The following SHQ1 variants were observed in gnomAD, a reference collection of about 807,000 sequenced individuals.
SHQ1 encodes the protein protein SHQ1 homolog.
SHQ1 carries 49 observed loss-of-function variants against 53.8 expected under a neutral mutation model. That is an observed-to-expected ratio of 0.91 (90% confidence interval 0.72 to 1.16). SHQ1 has a LOEUF of 1.16. Among genes scored for constraint, SHQ1 ranks in the 50% most tolerant of loss-of-function variants. SHQ1 has a pLI of 0.00. For missense variants in SHQ1, 738 were observed against 683.1 expected, an observed-to-expected ratio of 1.08 and a Z score of -0.90; for synonymous variants, 243 against 251.0, an observed-to-expected ratio of 0.97 and a Z score of 0.30.
At position 72,751,529 on chromosome 3, in the gene SHQ1, T is replaced by C. The variant is rs201893895; in HGVS notation, c.1182-693A>G. 6.8e-3 allele frequency among the ~76,000 whole-genome samples: 944 copies of C among 138,022 alleles called. 29 individuals are homozygous for C. The highest frequency in any genetic ancestry group is 0.025 in the Middle Eastern group (7 of 278). 90.5% of individuals were successfully genotyped at this position (138,022 alleles called of 152,430 possible). On this transcript the variant is annotated intron_variant, in intron 10 of 10. Coordinates refer to ENST00000325599, the MANE Select transcript of SHQ1 (RefSeq NM_018130.3). ...GTGTGTATATATATATATATATATA[T>C]ACATATACATACACTAATAAAGCCT... is the stretch of plus-strand genomic sequence containing the variant.
At chr3:72,739,430 T>A in the SHQ1 span, among the ~76,000 whole-genome samples, 174 of 152,294 alleles carry the variant, frequency 1.1e-3, 1 homozygote, top group African/African-American at 3.9e-3. Flanking sequence ...TCAGGCCACC[T>A]CACCAGGCTC....
chr3:72,766,463 A>G (rs564148851), intron 10 of SHQ1, among the ~76,000 whole-genome samples: 1 of 152,364 alleles, frequency 6.6e-6, no homozygotes, highest in East Asian at 1.9e-4. Flanking sequence ...TGTCCCATGT[A>G]CACAGAAAAT....
rs551329684 is a variant in SHQ1 at position 72,818,253 on chromosome 3, T to G, written c.728-869A>C. ...TGTGTAACTAATTTTTGTAAAGGAG[T>G]ATAATATTCCAAAATGTACCATGCT... is the stretch of plus-strand genomic sequence containing the variant. On this transcript the variant is annotated intron_variant, in intron 6 of 10. Coordinates refer to ENST00000325599, the MANE Select transcript of SHQ1 (RefSeq NM_018130.3). 3.3e-5 allele frequency among the ~76,000 whole-genome samples: 5 copies of G among 151,810 alleles called. No homozygotes were observed. The South Asian group carries it at 1.0e-3, about 32-fold the overall frequency.
the SHQ1 span, among the ~76,000 whole-genome samples, chr3:72,738,772 T>A: frequency 7.9e-5 from 12 of 152,160 alleles, no homozygotes; most frequent in African/African-American, 2.9e-4. Flanking sequence ...TCGACTGTGA[T>A]TAAGCATACA....
the SHQ1 span, among the ~76,000 whole-genome samples, chr3:72,738,681 G>GCTTC: frequency 6.6e-6 from 1 of 152,146 alleles, no homozygotes; most frequent in Non-Finnish European, 1.5e-5. Flanking sequence ...CCTCCCAGCA[G>GCTTC]CTTCCAGACC....
chr3:72,789,409 A>C (rs1343071592), intron 10 of SHQ1, among the ~76,000 whole-genome samples: 1 of 152,190 alleles, frequency 6.6e-6, no homozygotes, highest in East Asian at 1.9e-4. Flanking sequence ...GCGTGGCCCA[A>C]GACAATTCTT....
chr3:72,750,915 A>G, intron 10 of SHQ1, 79 bp from the exon 11 acceptor site: 3 of 1,227,596 alleles, frequency 2.4e-6, no homozygotes, highest in Non-Finnish European at 3.3e-6. Flanking sequence ...GCTTCCAAAA[A>G]AATAAAGTTG....
rs1706167949 is a variant in SHQ1 at position 72,784,501 on chromosome 3, G to C, written c.1181+8415C>G. Among the ~76,000 whole-genome samples the C allele has an allele frequency of 2.0e-5, 3 of 152,120 alleles. No individual in the cohort carries two copies. In the South Asian group the frequency reaches 6.2e-4, roughly 32 times the overall value. On this transcript the variant is annotated intron_variant, in intron 10 of 10. Coordinates refer to ENST00000325599, the MANE Select transcript of SHQ1 (RefSeq NM_018130.3). Reference sequence around the variant, plus strand: ...CCTTGTACTAATCTTTTCTTATGGAGATAAAAACCCACTTCCATCCAGGAT... The same window carrying C: ...CCTTGTACTAATCTTTTCTTATGGACATAAAAACCCACTTCCATCCAGGAT...
At chr3:72,728,328 C>T in the SHQ1 span, among the ~76,000 whole-genome samples, 1 of 152,148 alleles carries the variant, frequency 6.6e-6, no homozygotes, top group African/African-American at 2.4e-5. Context: ...GTCAGTCTGA[C>T]GAATTCCCAC....
chr3:72,751,608 T>C (rs1392843360), intron 10 of SHQ1, among the ~76,000 whole-genome samples: 3 of 147,500 alleles, frequency 2.0e-5, no homozygotes, highest in Non-Finnish European at 4.5e-5. Context: ...AACAGAAAAA[T>C]GGACAGAAGA....
chr3:72,841,110 C>T lies in SHQ1; in HGVS notation c.421G>A (p.Ala141Thr). The stretch of plus-strand genomic sequence containing the variant: ...CCATAGTGGCACTGCGGATTCAAAG[C>T]ACTTTCTGATACCTCTTCACAGGGT... The part of the protein sequence containing the change: ...QTPCEEVSES[A>T]LNPQCHYGFG... The change falls in exon 4 of 11, where the codon GCT becomes ACT. Residue 141 changes from alanine to threonine, a missense_variant. By Grantham distance (58) the Ala-to-Thr change is moderately conservative. Transcript: ENST00000325599. The T allele has an allele frequency of 6.2e-7, 1 of 1,614,066 alleles. No homozygotes were observed. Among genetic ancestry groups the T allele is most frequent in the Non-Finnish European group, 8.5e-7 (1 of 1,179,990 alleles).
intron 4 of SHQ1, among the ~76,000 whole-genome samples, chr3:72,832,938 T>C (rs181930640): frequency 3.3e-5 from 5 of 152,318 alleles, no homozygotes; most frequent in South Asian, 2.1e-4. Flanking sequence ...ACCGTACAGA[T>C]TGAATATCCC....
intron 10 of SHQ1, chr3:72,753,177 T>C (rs904734904): frequency 3.0e-6 from 3 of 985,276 alleles, no homozygotes; most frequent in South Asian, 4.7e-5. Flanking sequence ...GTGAAAGTGG[T>C]AAACATGCTG....
intron 8 of SHQ1, among the ~76,000 whole-genome samples, chr3:72,813,339 C>T (rs930953617): frequency 6.6e-6 from 1 of 151,560 alleles, no homozygotes; most frequent in African/African-American, 2.4e-5. Flanking sequence ...TGGTGACAGG[C>T]ACCTGTAATC....
intron 4 of SHQ1, among the ~76,000 whole-genome samples, chr3:72,835,864 T>A (rs994840246): frequency 6.6e-6 from 1 of 152,226 alleles, no homozygotes; most frequent in Admixed American, 6.5e-5. Context: ...CTAGCCAAAG[T>A]AGTACCCCCA....
intron 10 of SHQ1, among the ~76,000 whole-genome samples, chr3:72,776,791 A>T (rs1705965507): frequency 6.6e-6 from 1 of 152,174 alleles, no homozygotes; most frequent in Non-Finnish European, 1.5e-5. Context: ...TTTTCATGGA[A>T]CTTGACAAGC....
intron 9 of SHQ1, chr3:72,794,796 C>T (rs927221545): frequency 6.6e-5 from 10 of 152,216 alleles, no homozygotes; most frequent in South Asian, 2.1e-4. Context: ...TTCATTCCTT[C>T]GGGAAGTTCT....
At chr3:72,734,823 C>G in the SHQ1 span, among the ~76,000 whole-genome samples, 1 of 151,724 alleles carries the variant, frequency 6.6e-6, no homozygotes, top group South Asian at 2.1e-4. Flanking sequence ...TGCATTTTAA[C>G]TCTTACTGTC....
intron 4 of SHQ1, among the ~76,000 whole-genome samples, chr3:72,833,449 G>C (rs888534250): frequency 1.6e-4 from 7 of 44,364 alleles, no homozygotes; most frequent in African/African-American, 1.1e-3. Context: ...AGAGATGATA[G>C]ATAGATAGAT....
Sources: gnomAD v4.1 joint callset for allele counts (sites outside exome capture counted in the v4.1 genomes callset) on GRCh38, gnomAD v4.1.1 for gene constraint, MANE v1.5 for transcripts, NCBI Gene and HGNC (gene_info 2026-07-23, HGNC 2026-07-21) for gene names.